The following RYR2 variants were observed in gnomAD, a reference collection of about 807,000 sequenced individuals.
The protein encoded by RYR2 is cardiac muscle ryanodine receptor-calcium release channel.
A neutral mutation model predicts 601.1 loss-of-function variants in RYR2; 227 were observed. The ratio of observed to expected loss-of-function variants is 0.38; its 90% CI spans 0.34 to 0.42. The LOEUF is 0.42. Ranked by LOEUF, RYR2 falls within the 10% of genes least tolerant of loss-of-function variation. RYR2 has a pLI of 1.00. For synonymous variants in RYR2, 2,223 were observed against 2,175.1 expected (o/e 1.02, Z -0.61); for missense variants, 4,646 against 6,156.5 (o/e 0.75, Z 8.21).
At chr1:237,442,799 T>TA (rs1294597586) in intron 13 of RYR2, among the ~76,000 whole-genome samples, 2 of 152,188 alleles carry the variant, frequency 1.3e-5, no homozygotes, top group Non-Finnish European at 2.9e-5. Flanking sequence ...AACTTGCAGC[T>TA]AGGTATAAGG....
intron 2 of RYR2, among the ~76,000 whole-genome samples, chr1:237,282,986 C>T (rs765160110): frequency 1.3e-5 from 2 of 152,132 alleles, no homozygotes; most frequent in African/African-American, 4.8e-5. Context: ...CATTATTTCA[C>T]CTGTTGCCAC....
chr1:237,680,913 T>C (rs963717936), intron 62 of RYR2, among the ~76,000 whole-genome samples: 5 of 152,222 alleles, frequency 3.3e-5, no homozygotes, highest in African/African-American at 9.6e-5. Flanking sequence ...CTTTAATGTT[T>C]CCACAAATCT....
intron 75 of RYR2, among the ~76,000 whole-genome samples, chr1:237,726,662 T>C (rs967595626): frequency 4.6e-5 from 7 of 152,110 alleles, no homozygotes; most frequent in African/African-American, 1.7e-4. Flanking sequence ...TTAGTTACAA[T>C]GGACATATGA....
At position 237,180,017 on chromosome 1, in the gene RYR2, A is replaced by T. The variant is rs1450437962; in HGVS notation, c.49-90480A>T. ...TTCTGATCAAATTTCGGGTCTTGAC[A>T]CAGCAAGTGATAAAGCTTTGACCCC... On this transcript the variant is annotated intron_variant, in intron 1 of 104. Coordinates refer to ENST00000366574, the MANE Select transcript of RYR2 (RefSeq NM_001035.3). The surrounding 1 kb of genome is among the most constrained non-coding windows in gnomAD (Gnocchi z 5.3). 6.6e-6 allele frequency among the ~76,000 whole-genome samples: 1 copy of T among 152,058 alleles called. No homozygotes were observed. Among genetic ancestry groups the T allele is most frequent in the Non-Finnish European group, 1.5e-5 (1 of 68,026 alleles).
intron 91 of RYR2, among the ~76,000 whole-genome samples, chr1:237,786,333 T>C (rs549826650): frequency 1.3e-5 from 2 of 152,352 alleles, no homozygotes; most frequent in South Asian, 4.1e-4. Context: ...GGAATGCTGT[T>C]TGTAAGAGGA....
chr1:237,745,597 C>T (rs757858164), intron 80 of RYR2, among the ~76,000 whole-genome samples: 1 of 152,160 alleles, frequency 6.6e-6, no homozygotes, highest in Non-Finnish European at 1.5e-5. Context: ...AAAGGCTCCT[C>T]ATTCAGAAAA....
At chr1:237,581,501 C>T (rs1572963289) in intron 29 of RYR2, among the ~76,000 whole-genome samples, 1 of 151,766 alleles carries the variant, frequency 6.6e-6, no homozygotes, top group African/African-American at 2.4e-5. Flanking sequence ...GCAGGGAAAA[C>T]TTTCCATTAT....
intron 12 of RYR2, 145 bp downstream of exon 12, chr1:237,423,393 A>C (rs969424156): frequency 3.0e-6 from 3 of 1,011,940 alleles, no homozygotes; most frequent in Non-Finnish European, 4.3e-6. Flanking sequence ...TCTTCCATAC[A>C]TTCCTCTCTG....
intron 29 of RYR2, among the ~76,000 whole-genome samples, chr1:237,569,587 A>G (rs1406015694): frequency 6.6e-6 from 1 of 152,204 alleles, no homozygotes; most frequent in East Asian, 1.9e-4. Context: ...AGATAAAAGA[A>G]TAGGTTTCCA....
At chr1:237,689,949 A>G (rs1204853133) in intron 63 of RYR2, among the ~76,000 whole-genome samples, 1 of 151,666 alleles carries the variant, frequency 6.6e-6, no homozygotes, top group Admixed American at 6.6e-5. Flanking sequence ...GGTTCAAGCA[A>G]TTTTCCTGCC....
intron 18 of RYR2, among the ~76,000 whole-genome samples, chr1:237,492,655 A>G (rs1012045688): frequency 3.9e-5 from 6 of 152,068 alleles, no homozygotes; most frequent in African/African-American, 1.4e-4. Context: ...AGCCTGGGTA[A>G]TATAGCAATA....
At chr1:237,205,709 T>C (rs1681730589) in intron 1 of RYR2, among the ~76,000 whole-genome samples, 1 of 152,102 alleles carries the variant, frequency 6.6e-6, no homozygotes, top group Admixed American at 6.5e-5. Flanking sequence ...AGAGCCCAAA[T>C]CCAATCTGTG....
intron 97 of RYR2, 90 bp downstream of exon 97, chr1:237,798,260 C>A: frequency 8.3e-7 from 1 of 1,210,650 alleles, no homozygotes. Context: ...ATTTCCTTTC[C>A]TTCAATGTCA....
chr1:237,406,011 C>A (rs1703832871), intron 10 of RYR2, among the ~76,000 whole-genome samples: 1 of 151,542 alleles, frequency 6.6e-6, no homozygotes, highest in South Asian at 2.1e-4. Context: ...CTCTCACTGC[C>A]ACGCTCTCAT....
At chr1:237,726,071 AT>A (rs988122335) in intron 74 of RYR2, among the ~76,000 whole-genome samples, 1 of 152,062 alleles carries the variant, frequency 6.6e-6, no homozygotes, top group African/African-American at 2.4e-5. Context: ...GTGTTTATTG[AT>A]CATAGAGGGG....
chr1:237,483,365 G>A (rs545874862), intron 17 of RYR2, among the ~76,000 whole-genome samples: 1 of 152,182 alleles, frequency 6.6e-6, no homozygotes, highest in East Asian at 1.9e-4. Context: ...TGTTCTAAAT[G>A]TCTTACATGT....
intron 96 of RYR2, among the ~76,000 whole-genome samples, chr1:237,797,086 C>T (rs73103987): frequency 1.9e-3 from 282 of 151,676 alleles, no homozygotes; most frequent in African/African-American, 6.5e-3. Flanking sequence ...TCCTGGCCTC[C>T]ATTTTCATTA....
intron 14 of RYR2, among the ~76,000 whole-genome samples, chr1:237,453,053 A>G (rs1460776446): frequency 6.6e-6 from 1 of 152,076 alleles, no homozygotes; most frequent in Non-Finnish European, 1.5e-5. Context: ...TTATTCACTT[A>G]TTAACAGTTG....
intron 2 of RYR2, among the ~76,000 whole-genome samples, chr1:237,312,225 G>A (rs1694647898): frequency 6.6e-6 from 1 of 152,072 alleles, no homozygotes; most frequent in South Asian, 2.1e-4. Flanking sequence ...CTGCTTGACT[G>A]GAAATAAAAT....
Sources: gnomAD v4.1 joint callset for allele counts (sites outside exome capture counted in the v4.1 genomes callset) on GRCh38, gnomAD v4.1.1 for gene constraint, Gnocchi (gnomAD v3.1) non-coding constraint, MANE v1.5 for transcripts, NCBI Gene and HGNC (gene_info 2026-07-23, HGNC 2026-07-21) for gene names.